The following ATP11B variants were observed in gnomAD, a reference collection of about 807,000 sequenced individuals.
ATP11B encodes the protein phospholipid-transporting ATPase IF.
In ATP11B, 81 loss-of-function variants were observed where a neutral mutation model predicts 157.8. The ratio of observed to expected loss-of-function variants is 0.51; its 90% CI spans 0.43 to 0.62. The LOEUF (loss-of-function observed/expected upper bound fraction) is 0.62, where lower values mean the gene tolerates loss of function less well. Among genes scored for constraint, ATP11B ranks in the 20% least tolerant of loss-of-function variants. The probability of loss-of-function intolerance (pLI) is 0.00; values close to 1 mark genes in which losing one functional copy is unlikely to be tolerated. For synonymous variants in ATP11B, 451 were observed against 469.4 expected (o/e 0.96, Z 0.51); for missense variants, 1,165 against 1,402.2 (o/e 0.83, Z 2.70).
chr3:182,887,088 T>C (rs1193495649), intron 23 of ATP11B, among the ~76,000 whole-genome samples: 1 of 152,182 alleles, frequency 6.6e-6, no homozygotes, highest in Non-Finnish European at 1.5e-5. Flanking sequence ...GTGGTACCTG[T>C]GACTGTTTAG....
At chr3:182,878,511 G>T (rs571041084) in intron 19 of ATP11B, among the ~76,000 whole-genome samples, 1 of 152,186 alleles carries the variant, frequency 6.6e-6, no homozygotes, top group Non-Finnish European at 1.5e-5. Flanking sequence ...GGAGAATTGT[G>T]GGGGGAAGCA....
intron 29 of ATP11B, 39 bp downstream of exon 29, chr3:182,914,033 T>A: frequency 6.2e-7 from 1 of 1,611,930 alleles, no homozygotes; most frequent in African/African-American, 1.3e-5. Context: ...TGCAGATGAG[T>A]ATCCTATCTG....
chr3:182,812,776 ATTCAGTATATTCACATTG>A (rs2108492224), intron 1 of ATP11B, among the ~76,000 whole-genome samples: 1 of 152,306 alleles, frequency 6.6e-6, no homozygotes, highest in Admixed American at 6.5e-5. Flanking sequence ...GTTCTGTGGC[ATTCAGTATATTCACATTG>A]TTATATAATC....
intron 1 of ATP11B, among the ~76,000 whole-genome samples, chr3:182,816,623 A>G (rs1445568158): frequency 6.6e-6 from 1 of 152,236 alleles, no homozygotes; most frequent in Non-Finnish European, 1.5e-5. Flanking sequence ...TTACTGAAAC[A>G]TAAAGATTCT....
intron 7 of ATP11B, among the ~76,000 whole-genome samples, chr3:182,839,311 A>G (rs1718810874): frequency 6.6e-6 from 1 of 152,208 alleles, no homozygotes; most frequent in African/African-American, 2.4e-5. Context: ...GAAGAGCAGA[A>G]AAAATAACTG....
At chr3:182,800,450 A>C (rs895098733) in intron 1 of ATP11B, among the ~76,000 whole-genome samples, 5 of 151,380 alleles carry the variant, frequency 3.3e-5, no homozygotes, top group Non-Finnish European at 5.9e-5. Context: ...CTGGTCTCAG[A>C]CTCCTGGACT....
chr3:182,824,211 GTAGT>G (rs1201900740), intron 2 of ATP11B, among the ~76,000 whole-genome samples: 2 of 152,166 alleles, frequency 1.3e-5, no homozygotes, highest in Non-Finnish European at 2.9e-5. Context: ...CTGGAATTGT[GTAGT>G]TAATGTTTTG....
intron 28 of ATP11B, among the ~76,000 whole-genome samples, chr3:182,912,622 C>T (rs1345581155): frequency 6.6e-6 from 1 of 152,178 alleles, no homozygotes; most frequent in Non-Finnish European, 1.5e-5. Context: ...CAGATAAGAA[C>T]CATGTTGTTT....
chr3:182,873,464 A>G (rs573601607), intron 18 of ATP11B, among the ~76,000 whole-genome samples: 1 of 152,354 alleles, frequency 6.6e-6, no homozygotes, highest in East Asian at 1.9e-4. Flanking sequence ...AATCAAAACA[A>G]AAGGAGAAAA....
At chr3:182,911,091 A>G (rs1048867223) in intron 28 of ATP11B, among the ~76,000 whole-genome samples, 3 of 152,112 alleles carry the variant, frequency 2.0e-5, no homozygotes, top group African/African-American at 7.2e-5. Context: ...ATGGATCAGC[A>G]TTGATCTATG....
intron 28 of ATP11B, among the ~76,000 whole-genome samples, chr3:182,904,248 A>G (rs1171137851): frequency 6.6e-6 from 1 of 152,180 alleles, no homozygotes; most frequent in Non-Finnish European, 1.5e-5. Context: ...ATCATTTTAC[A>G]TATTGTGGTC....
chr3:182,804,653 C>T (rs945706729), intron 1 of ATP11B, among the ~76,000 whole-genome samples: 1 of 152,162 alleles, frequency 6.6e-6, no homozygotes, highest in Non-Finnish European at 1.5e-5. Flanking sequence ...ATACAATTTA[C>T]CCTTATAAAG....
intron 21 of ATP11B, among the ~76,000 whole-genome samples, chr3:182,883,261 CTT>C (rs113393141): frequency 2.8e-5 from 4 of 144,814 alleles, no homozygotes; most frequent in Admixed American, 6.9e-5. Context: ...TAAAACAATC[CTT>C]TTTTTTTTTT....
intron 29 of ATP11B, chr3:182,914,338 C>G: frequency 1.0e-6 from 1 of 976,850 alleles, no homozygotes. Context: ...TATACTATTT[C>G]CTTTTTATTT....
In ATP11B at chr3:182,897,345, G is replaced by T. The variant is rs766793854; in HGVS notation, c.3091G>T (p.Val1031Phe). The change falls in exon 27 of 30, where the codon GTT becomes TTT. Residue 1031 changes from valine to phenylalanine, a missense_variant. Val to Phe is a conservative substitution (Grantham distance 50). This residue lies in a region of ATP11B where 303 missense variants were observed against 296.3 expected (regional missense o/e 1.02). Transcript: ENST00000323116. ...THFWTWINHL[V>F]TWGSIIFYFV... ...TTTTTGGACTTGGATCAACCATCTCGTTACCTGGGGATCTATTATATTTTA... is the reference window on the plus strand; with the variant it reads ...TTTTTGGACTTGGATCAACCATCTCTTTACCTGGGGATCTATTATATTTTA... 3.1e-6 allele frequency: 5 copies of T among 1,588,526 alleles called. No individual in the cohort carries two copies. The highest frequency in any genetic ancestry group is 4.3e-6 in the Non-Finnish European group (5 of 1,172,466).
chr3:182,865,331 G>A, intron 12 of ATP11B, 125 bp from the exon 13 acceptor site: 1 of 821,906 alleles, frequency 1.2e-6, no homozygotes, highest in South Asian at 2.1e-5. Context: ...AAGAATCTCA[G>A]CATCCATATA....
chr3:182,859,843 A>C (rs956640900), intron 12 of ATP11B, among the ~76,000 whole-genome samples: 4 of 151,728 alleles, frequency 2.6e-5, no homozygotes, highest in African/African-American at 7.3e-5. Context: ...TCATTTCCTC[A>C]ATTTCCATGT....
chr3:182,805,188 T>G (rs1255156472), intron 1 of ATP11B, among the ~76,000 whole-genome samples: 1 of 152,232 alleles, frequency 6.6e-6, no homozygotes, highest in Non-Finnish European at 1.5e-5. Context: ...TTTAACTTTG[T>G]GAGGAATTGC....
At chr3:182,854,235 C>T (rs150868442) in intron 10 of ATP11B, among the ~76,000 whole-genome samples, 85 of 152,252 alleles carry the variant, frequency 5.6e-4, no homozygotes, top group African/African-American at 2.0e-3. Flanking sequence ...TTTGGGAGGC[C>T]GAGACGGGCA....
Sources: allele counts gnomAD v4.1 joint callset (sites outside exome capture counted in the v4.1 genomes callset), GRCh38; gene constraint gnomAD v4.1.1; regional missense constraint gnomAD v4.1.1; transcripts MANE v1.5; gene names NCBI Gene and HGNC (gene_info 2026-07-23, HGNC 2026-07-21).